Variants in ENTREP1 observed in about 807,000 individuals in gnomAD.
The protein encoded by ENTREP1 is endosomal transmembrane epsin interactor 1.
At chr9:69,350,834 A>G in the ENTREP1 span, among the ~76,000 whole-genome samples, 9 of 152,188 alleles carry the variant, frequency 5.9e-5, no homozygotes, top group Non-Finnish European at 1.3e-4. Flanking sequence ...TGCTGATCTG[A>G]TTCTTGTTCC....
At chr9:69,377,611 G>A in the ENTREP1 span, 1 of 1,613,940 alleles carries the variant, frequency 6.2e-7, no homozygotes, top group Non-Finnish European at 8.5e-7. Context: ...GTTTAATCAG[G>A]ATGAATCCCA....
At chr9:69,371,181 A>T in the ENTREP1 span, 3 of 340,260 alleles carry the variant, frequency 8.8e-6, no homozygotes, top group African/African-American at 2.1e-5. Context: ...AGGAAAAAAA[A>T]TAAGAGTGGC....
the ENTREP1 span, among the ~76,000 whole-genome samples, chr9:69,336,531 G>T: frequency 1.3e-5 from 2 of 152,052 alleles, no homozygotes; most frequent in African/African-American, 2.4e-5. Context: ...CCTAAAGATA[G>T]AATTTTAAAA....
the ENTREP1 span, among the ~76,000 whole-genome samples, chr9:69,376,982 G>C: frequency 1.6e-4 from 25 of 152,334 alleles, no homozygotes; most frequent in African/African-American, 5.5e-4. Context: ...GTGGGAGGCT[G>C]TGGGAGGGAG....
the ENTREP1 span, among the ~76,000 whole-genome samples, chr9:69,389,376 C>T: frequency 2.6e-5 from 4 of 152,194 alleles, no homozygotes; most frequent in African/African-American, 9.6e-5. Context: ...ACTGTCCCTT[C>T]CGTTCCCCCT....
the ENTREP1 span, among the ~76,000 whole-genome samples, chr9:69,361,401 G>A: frequency 1.3e-5 from 2 of 152,056 alleles, no homozygotes; most frequent in African/African-American, 2.4e-5. Flanking sequence ...GCCCTTTTGT[G>A]TCTGGCTTCT....
chr9:69,344,951 G>T, the ENTREP1 span, among the ~76,000 whole-genome samples: 3 of 152,090 alleles, frequency 2.0e-5, no homozygotes, highest in African/African-American at 7.2e-5. Flanking sequence ...GGTTTCTCTT[G>T]TTCCTAACAT....
chr9:69,357,703 G>A, the ENTREP1 span, among the ~76,000 whole-genome samples: 2 of 152,202 alleles, frequency 1.3e-5, no homozygotes, highest in Admixed American at 1.3e-4. Flanking sequence ...TGAGAGTGGT[G>A]AGAGTGTGGG....
the ENTREP1 span, among the ~76,000 whole-genome samples, chr9:69,327,010 GAA>G: frequency 1.4e-3 from 191 of 139,270 alleles, no homozygotes; most frequent in Non-Finnish European, 1.7e-3. Context: ...AGACCAAATT[GAA>G]AAAAAAAAAA....
At chr9:69,328,627 A>G in the ENTREP1 span, among the ~76,000 whole-genome samples, 1 of 150,570 alleles carries the variant, frequency 6.6e-6, no homozygotes, top group African/African-American at 2.4e-5. Context: ...AGGACATTGT[A>G]ACTAATTCAA....
the ENTREP1 span, among the ~76,000 whole-genome samples, chr9:69,372,335 A>G: frequency 1.3e-5 from 2 of 152,190 alleles, no homozygotes; most frequent in Admixed American, 6.5e-5. Context: ...CATATTGAAC[A>G]GCAACAGCTC....
At chr9:69,377,220 G>A in the ENTREP1 span, 3 of 632,130 alleles carry the variant, frequency 4.7e-6, no homozygotes, top group Non-Finnish European at 8.6e-6. Flanking sequence ...CACTTTCCAC[G>A]AGCCAAACAC....
chr9:69,336,843 C>T, the ENTREP1 span, among the ~76,000 whole-genome samples: 2 of 151,430 alleles, frequency 1.3e-5, no homozygotes, highest in Non-Finnish European at 3.0e-5. Context: ...GGATTACAGG[C>T]GCCCGCCACT....
chr9:69,371,246 T>C, the ENTREP1 span: 1 of 491,092 alleles, frequency 2.0e-6, no homozygotes, highest in Admixed American at 3.3e-5. Flanking sequence ...GATAAGGGAG[T>C]AAGAATTATT....
At chr9:69,382,000 T>C in the ENTREP1 span, 1 of 152,268 alleles carries the variant, frequency 6.6e-6, no homozygotes, top group African/African-American at 2.4e-5. Flanking sequence ...TCTGGACACG[T>C]AACAAACAGG....
chr9:69,343,432 C>T, the ENTREP1 span, among the ~76,000 whole-genome samples: 1 of 152,142 alleles, frequency 6.6e-6, no homozygotes, highest in African/African-American at 2.4e-5. Flanking sequence ...GGTTTTAGAG[C>T]CCCTGCTGGA....
chr9:69,359,700 C>G, the ENTREP1 span, among the ~76,000 whole-genome samples: 2 of 152,168 alleles, frequency 1.3e-5, no homozygotes, highest in Non-Finnish European at 2.9e-5. Context: ...AATGGACTAA[C>G]ACAGATGGCA....
At chr9:69,339,364 C>T in the ENTREP1 span, among the ~76,000 whole-genome samples, 1 of 152,272 alleles carries the variant, frequency 6.6e-6, no homozygotes, top group East Asian at 1.9e-4. Context: ...ATGCCAGATG[C>T]TTGTGTTATG....
the ENTREP1 span, among the ~76,000 whole-genome samples, chr9:69,355,362 T>C: frequency 6.6e-5 from 10 of 152,186 alleles, no homozygotes; most frequent in African/African-American, 2.4e-4. Context: ...TCTCAAGCTT[T>C]ATTGGTTCTT....
Sources: allele counts gnomAD v4.1 joint callset (sites outside exome capture counted in the v4.1 genomes callset), GRCh38; gene constraint gnomAD v4.1.1; transcripts MANE v1.5; gene names NCBI Gene and HGNC (gene_info 2026-07-23, HGNC 2026-07-21).